The following TPO variants were observed in gnomAD, a reference collection of about 807,000 sequenced individuals.
The protein encoded by TPO is thyroid peroxidase.
A neutral mutation model predicts 96.9 loss-of-function variants in TPO; 78 were observed. That is an observed-to-expected ratio of 0.81 (90% CI 0.67 to 0.97). The LOEUF (loss-of-function observed/expected upper bound fraction) is 0.97, where lower values mean the gene tolerates loss of function less well. Among genes scored for constraint, TPO ranks in the 50% least tolerant of loss-of-function variants. TPO has a pLI of 0.00. For missense variants in TPO, 1,252 were observed against 1,274.8 expected (o/e 0.98, Z 0.27); for synonymous variants, 547 against 538.0 (o/e 1.02, Z -0.23).
chr2:1,537,411 C>A (rs1573660593), intron 15 of TPO, among the ~76,000 whole-genome samples: 1 of 137,148 alleles, frequency 7.3e-6, no homozygotes, highest in Admixed American at 7.5e-5. Flanking sequence ...TGTGAGCAAC[C>A]TCCCCAAACC....
At chr2:1,385,824 C>A (rs1203186759) in intron 1 of TPO, among the ~76,000 whole-genome samples, 1 of 152,070 alleles carries the variant, frequency 6.6e-6, no homozygotes, top group Non-Finnish European at 1.5e-5. Context: ...AATTTTAGAT[C>A]TTTCCTGCTT....
Position 1,402,359 on chromosome 2 carries a change from G to A in TPO, n.180+27957G>A, listed in dbSNP as rs144153671. ...AAGACTGCTGGTAATGCCTGGCCCCGTGGAATCTCCAGACCCCGAAGGACC... is the reference window on the plus strand; with the variant it reads ...AAGACTGCTGGTAATGCCTGGCCCCATGGAATCTCCAGACCCCGAAGGACC... On this transcript the variant is annotated intron_variant and non_coding_transcript_variant, in intron 1 of 5. Coordinates refer to the TPO transcript ENST00000497517. Among the ~76,000 whole-genome samples, 208 of 152,272 alleles carry A rather than the reference G, an allele frequency of 1.4e-3. 1 individual carries two copies. The highest frequency in any genetic ancestry group is 4.6e-3 in the African/African-American group (190 of 41,562).
chr2:1,460,977 GGAA>G (rs2148616272), intron 7 of TPO, among the ~76,000 whole-genome samples: 1 of 152,348 alleles, frequency 6.6e-6, no homozygotes, highest in African/African-American at 2.4e-5. Flanking sequence ...AAGCAGCCTT[GGAA>G]GAAGGAGGGA....
At chr2:1,416,442 A>T (rs1416171881) in intron 2 of TPO, among the ~76,000 whole-genome samples, 1 of 152,250 alleles carries the variant, frequency 6.6e-6, no homozygotes, top group Non-Finnish European at 1.5e-5. Flanking sequence ...AAACTTTGTA[A>T]CATGTTTTTT....
chr2:1,485,100 T>C lies in TPO; in HGVS notation c.1597+246T>C, dbSNP rs573553258. On this transcript the variant is annotated intron_variant, in intron 9 of 16. Coordinates refer to ENST00000329066, the MANE Select transcript of TPO (RefSeq NM_001206744.2). ...AGACGGGATATGATGATCCCCGCCC[T>C]GTGTCCATGTGTTCTCATTGTTCAA... 7.3e-3 allele frequency among the ~76,000 whole-genome samples: 936 copies of C among 127,942 alleles called. 7 individuals carry two copies. The highest frequency in any genetic ancestry group is 0.012 in the Non-Finnish European group (737 of 62,648). The allele number at this position is 127,942 out of a possible 152,430, so 83.9% of individuals were successfully genotyped here. A position where few individuals can be genotyped will look rare whatever the true frequency, so the allele number is the denominator to read the frequency against.
chr2:1,487,782 G>A (rs1671314484), intron 9 of TPO, 39 bp from the exon 10 acceptor site: 1 of 1,613,674 alleles, frequency 6.2e-7, no homozygotes. Context: ...CTAGAACTGA[G>A]CCAAGAGCTG....
At chr2:1,395,031 G>GA (rs34290246) in intron 1 of TPO, among the ~76,000 whole-genome samples, 62,110 of 137,374 alleles carry the variant, frequency 0.45, 13,499 homozygotes, top group East Asian at 0.79. Context: ...TTTCTAGGAT[G>GA]AAAAAAAATT....
intron 13 of TPO, among the ~76,000 whole-genome samples, chr2:1,497,789 C>T (rs1672503876): frequency 6.6e-6 from 1 of 152,100 alleles, no homozygotes; most frequent in Admixed American, 6.6e-5. Context: ...ACCTAGACCG[C>T]AGAAGAAAGA....
At chr2:1,476,448 C>T (rs1573344321) in intron 7 of TPO, among the ~76,000 whole-genome samples, 1 of 152,208 alleles carries the variant, frequency 6.6e-6, no homozygotes, top group Admixed American at 6.5e-5. Context: ...AAGCTGGCCA[C>T]AGCCAGAGTT....
exon 1 of TPO, chr2:1,374,311 G>C (rs1661684430): frequency 6.6e-6 from 1 of 152,180 alleles, no homozygotes; most frequent in South Asian, 2.1e-4. Context: ...ATCCTTCCTT[G>C]ACCCCAGCCT....
intron 11 of TPO, among the ~76,000 whole-genome samples, chr2:1,494,711 C>G (rs1281051106): frequency 6.6e-6 from 1 of 152,186 alleles, no homozygotes; most frequent in African/African-American, 2.4e-5. Context: ...CAGACAAAAG[C>G]AATAGGAAAA....
At chr2:1,514,528 T>A (rs1478619147) in intron 14 of TPO, among the ~76,000 whole-genome samples, 1 of 152,034 alleles carries the variant, frequency 6.6e-6, no homozygotes, top group African/African-American at 2.4e-5. Flanking sequence ...CCTCAGGGAC[T>A]CCCCCTTGCC....
At chr2:1,416,688 T>A (rs1662996817) in intron 2 of TPO, among the ~76,000 whole-genome samples, 1 of 152,232 alleles carries the variant, frequency 6.6e-6, no homozygotes, top group Non-Finnish European at 1.5e-5. Context: ...TTGCTTGAAA[T>A]GTGAATGAGT....
At chr2:1,466,887 T>C (rs1478379152) in intron 7 of TPO, among the ~76,000 whole-genome samples, 1 of 152,174 alleles carries the variant, frequency 6.6e-6, no homozygotes, top group African/African-American at 2.4e-5. Flanking sequence ...TTTCATTTAG[T>C]TCTGCTCTGA....
At position 1,495,076 on chromosome 2, in the gene TPO, C is replaced by A. The variant is rs150207364; in HGVS notation, c.2007-913C>A. Among the ~76,000 whole-genome samples the A allele has an allele frequency of 1.1e-3, 160 of 152,310 alleles. 1 individual carries two copies. Among genetic ancestry groups the A allele is most frequent in the African/African-American group, 3.7e-3 (155 of 41,556 alleles). On this transcript the variant is annotated intron_variant, in intron 11 of 16. Transcript: ENST00000329066. ...TTGCCCCATACGTGTGTCTCCCATGCGTGTTTTATGCCACCTGTGGCTGAA... is the reference window on the plus strand; with the variant it reads ...TTGCCCCATACGTGTGTCTCCCATGAGTGTTTTATGCCACCTGTGGCTGAA...
At chr2:1,450,997 A>G (rs149781905) in intron 5 of TPO, among the ~76,000 whole-genome samples, 1 of 152,314 alleles carries the variant, frequency 6.6e-6, no homozygotes, top group African/African-American at 2.4e-5. Context: ...TGAAGTATTA[A>G]TAACAGAATT....
intron 10 of TPO, among the ~76,000 whole-genome samples, chr2:1,489,559 A>G (rs571704400): frequency 6.6e-6 from 1 of 152,318 alleles, no homozygotes; most frequent in South Asian, 2.1e-4. Context: ...CATAGATCGT[A>G]AGCCCAGGAG....
At chr2:1,414,228 C>G (rs986542839) in intron 1 of TPO, among the ~76,000 whole-genome samples, 180 bp from the exon 2 acceptor site, 1 of 152,150 alleles carries the variant, frequency 6.6e-6, no homozygotes, top group South Asian at 2.1e-4. Context: ...TTTCTGTAAC[C>G]TCCTGACATG....
chr2:1,414,254 C>A, intron 1 of TPO, 154 bp from the exon 2 acceptor site: 1 of 727,242 alleles, frequency 1.4e-6, no homozygotes, highest in Non-Finnish European at 2.4e-6. Context: ...CGACTCTGGT[C>A]TCGCAGACCC....
Sources: gnomAD v4.1 joint callset for allele counts (sites outside exome capture counted in the v4.1 genomes callset) on GRCh38, gnomAD v4.1.1 for gene constraint, MANE v1.5 for transcripts, NCBI Gene and HGNC (gene_info 2026-07-23, HGNC 2026-07-21) for gene names.